SUMF1: variants seen among roughly 807,000 people sequenced by gnomAD.
The protein encoded by SUMF1 is formylglycine-generating enzyme.
In SUMF1, 48 loss-of-function variants were observed where a neutral mutation model predicts 47.6. The observed-to-expected ratio is 1.01, with a 90% CI of 0.80 to 1.28. SUMF1 has a LOEUF of 1.28. SUMF1 is among the 50% of genes most tolerant of loss of function. The pLI is 0.00. For missense variants in SUMF1, 571 were observed against 485.4 expected, an observed-to-expected ratio of 1.18 and a Z score of -1.66; for synonymous variants, 230 against 192.1, an observed-to-expected ratio of 1.20 and a Z score of -1.63.
intron 8 of SUMF1, among the ~76,000 whole-genome samples, chr3:4,089,346 T>C (rs1156986954): frequency 6.6e-6 from 1 of 152,200 alleles, no homozygotes; most frequent in Non-Finnish European, 1.5e-5. Context: ...CCAGCTCTGC[T>C]TTGTAAAACT....
intron 1 of SUMF1, among the ~76,000 whole-genome samples, chr3:4,466,532 T>C (rs899621757): frequency 2.6e-5 from 4 of 152,106 alleles, no homozygotes; most frequent in Admixed American, 1.3e-4. Context: ...GTGCTAAGAA[T>C]AGCAGGATAA....
At chr3:4,135,050 G>C (rs969255337) in intron 8 of SUMF1, among the ~76,000 whole-genome samples, 3 of 152,126 alleles carry the variant, frequency 2.0e-5, no homozygotes, top group Non-Finnish European at 2.9e-5. Context: ...GGTACACGGA[G>C]GAGCTGGTAC....
Position 4,186,342 on chromosome 3 carries a change from C to A in SUMF1, c.1015-117597G>T, listed in dbSNP as rs182282275. Among the ~76,000 whole-genome samples, 218 of 152,136 alleles carry A rather than the reference C, an allele frequency of 1.4e-3. 1 individual carries two copies. Among genetic ancestry groups the A allele is most frequent in the Non-Finnish European group, 2.4e-3 (166 of 68,000 alleles). On this transcript the variant is annotated intron_variant and NMD_transcript_variant, in intron 8 of 12. Coordinates refer to the SUMF1 transcript ENST00000448413. ...TTTTCCATTAAGACTCCACCCATGT[C>A]GGTTGCTATGGTAATGGGGGGAGGT...
At chr3:4,065,665 T>A (rs1384375476) in intron 9 of SUMF1, among the ~76,000 whole-genome samples, 1 of 151,944 alleles carries the variant, frequency 6.6e-6, no homozygotes, top group Non-Finnish European at 1.5e-5. Flanking sequence ...AAAAAAAAAA[T>A]TATCATTTTG....
chr3:4,409,357 G>C (rs541368615), intron 7 of SUMF1, among the ~76,000 whole-genome samples: 1 of 152,314 alleles, frequency 6.6e-6, no homozygotes, highest in African/African-American at 2.4e-5. Flanking sequence ...AATTTCATTA[G>C]AGCAAGGGCA....
At chr3:4,303,850 T>A in intron 8 of SUMF1, 1 of 1,324,532 alleles carries the variant, frequency 7.5e-7, no homozygotes, top group South Asian at 1.3e-5. Flanking sequence ...ACCTCCCTGG[T>A]CTCAGGTGTC....
At chr3:4,276,006 G>A (rs1242601882) in intron 8 of SUMF1, among the ~76,000 whole-genome samples, 1 of 152,054 alleles carries the variant, frequency 6.6e-6, no homozygotes, top group Non-Finnish European at 1.5e-5. Context: ...TGTAGTTCTG[G>A]TTAACCTATC....
chr3:4,454,838 T>G (rs1166638945), intron 1 of SUMF1, among the ~76,000 whole-genome samples: 1 of 152,220 alleles, frequency 6.6e-6, no homozygotes, highest in African/African-American at 2.4e-5. Flanking sequence ...ACATATTGTA[T>G]GAATCTATTC....
At chr3:4,303,301 AC>A in intron 8 of SUMF1, 1 of 1,429,568 alleles carries the variant, frequency 7.0e-7, no homozygotes, top group Non-Finnish European at 9.2e-7. Context: ...GGGCCACGGG[AC>A]CACAAGTCCC....
intron 9 of SUMF1, among the ~76,000 whole-genome samples, chr3:4,045,515 G>T (rs1694989363): frequency 6.6e-6 from 1 of 151,924 alleles, no homozygotes; most frequent in African/African-American, 2.4e-5. Context: ...AAATGAGATT[G>T]TATATATAAA....
chr3:4,179,430 T>C (rs1695043015), intron 8 of SUMF1, among the ~76,000 whole-genome samples: 1 of 152,124 alleles, frequency 6.6e-6, no homozygotes. Context: ...AAATAAGCAA[T>C]GGGGAAAGGA....
chr3:4,196,348 C>T (rs1574969135), intron 8 of SUMF1, among the ~76,000 whole-genome samples: 1 of 152,224 alleles, frequency 6.6e-6, no homozygotes, highest in East Asian at 1.9e-4. Flanking sequence ...CATTCAGACC[C>T]AAACACAGAC....
At chr3:4,245,802 C>T (rs1277166041) in intron 8 of SUMF1, among the ~76,000 whole-genome samples, 2 of 152,226 alleles carry the variant, frequency 1.3e-5, no homozygotes, top group Admixed American at 1.3e-4. Context: ...TTTAAGTCTG[C>T]AGAAGCTGTC....
chr3:4,287,279 C>G (rs539693199), intron 8 of SUMF1, among the ~76,000 whole-genome samples: 1 of 151,844 alleles, frequency 6.6e-6, no homozygotes, highest in East Asian at 1.9e-4. Context: ...AGCAACTTAA[C>G]AAAATAAGAA....
intron 8 of SUMF1, among the ~76,000 whole-genome samples, chr3:4,309,108 A>T (rs1439911469): frequency 5.3e-5 from 8 of 152,178 alleles, no homozygotes; most frequent in African/African-American, 1.4e-4. Context: ...TTGTCTAAAA[A>T]CTTAGGAATG....
chr3:4,092,465 T>C (rs1692809091), intron 8 of SUMF1, among the ~76,000 whole-genome samples: 1 of 152,162 alleles, frequency 6.6e-6, no homozygotes, highest in South Asian at 2.1e-4. Flanking sequence ...GTGATACCAC[T>C]ATTTTAATGT....
chr3:4,316,108 T>C, intron 8 of SUMF1: 1 of 549,780 alleles, frequency 1.8e-6, no homozygotes, highest in South Asian at 2.6e-5. Flanking sequence ...TATTTGATAT[T>C]GGAATACATT....
intron 8 of SUMF1, among the ~76,000 whole-genome samples, chr3:4,339,727 G>A (rs1699229830): frequency 6.6e-6 from 1 of 152,146 alleles, no homozygotes; most frequent in South Asian, 2.1e-4. Flanking sequence ...CACAACAACT[G>A]CTGTACAAAT....
intron 3 of SUMF1, among the ~76,000 whole-genome samples, chr3:4,428,510 C>T (rs1409477132): frequency 1.3e-5 from 2 of 152,098 alleles, no homozygotes; most frequent in South Asian, 4.1e-4. Flanking sequence ...CATGCCACCA[C>T]ACTTGGCTAA....
Sources: allele counts gnomAD v4.1 joint callset (sites outside exome capture counted in the v4.1 genomes callset), GRCh38; gene constraint gnomAD v4.1.1; transcripts MANE v1.5; gene names NCBI Gene and HGNC (gene_info 2026-07-23, HGNC 2026-07-21).